ELF1: variants seen among roughly 807,000 people sequenced by gnomAD.
ELF1 encodes E74 like ETS transcription factor 1.
Under a neutral mutation model 59.9 loss-of-function variants are expected in ELF1, and 24 were observed. The observed-to-expected ratio is 0.40, with a 90% CI of 0.29 to 0.56. The LOEUF is 0.56. Ranked by LOEUF, ELF1 falls within the 20% of genes least tolerant of loss-of-function variation. The pLI, the probability that ELF1 is intolerant of heterozygous loss-of-function variation, is 0.44. For missense variants in ELF1, 627 were observed against 742.2 expected (o/e 0.84, Z 1.80); for synonymous variants, 248 against 266.2 (o/e 0.93, Z 0.67).
At chr13:41,041,737 C>T (rs780503021) in intron 1 of ELF1, among the ~76,000 whole-genome samples, 49 of 152,058 alleles carry the variant, frequency 3.2e-4, no homozygotes, top group Non-Finnish European at 5.7e-4. Flanking sequence ...TCAGATGCAC[C>T]AGAATCATCT....
At chr13:41,031,631 A>G (rs1876164017) in intron 1 of ELF1, among the ~76,000 whole-genome samples, 1 of 151,920 alleles carries the variant, frequency 6.6e-6, no homozygotes, top group Non-Finnish European at 1.5e-5. Flanking sequence ...CAGCCTGGCC[A>G]AGATGGTGAA....
At chr13:40,954,194 G>A (rs1399604936) in intron 3 of ELF1, among the ~76,000 whole-genome samples, 1 of 152,166 alleles carries the variant, frequency 6.6e-6, no homozygotes, top group African/African-American at 2.4e-5. Context: ...TTATTGGTTT[G>A]CTCTGAACAA....
intron 5 of ELF1, among the ~76,000 whole-genome samples, chr13:40,948,441 G>A (rs1870638752): frequency 6.6e-6 from 1 of 152,156 alleles, no homozygotes; most frequent in African/African-American, 2.4e-5. Context: ...CCTCAACACG[G>A]ACAATAAAAC....
chr13:40,988,406 A>G (rs1325211904), intron 1 of ELF1, among the ~76,000 whole-genome samples: 1 of 152,232 alleles, frequency 6.6e-6, no homozygotes, highest in Non-Finnish European at 1.5e-5. Flanking sequence ...AACTTCATTA[A>G]TATTTTTTCC....
At chr13:41,006,840 G>A (rs567548876) in intron 1 of ELF1, among the ~76,000 whole-genome samples, 1 of 152,002 alleles carries the variant, frequency 6.6e-6, no homozygotes, top group South Asian at 2.1e-4. Flanking sequence ...AATCTTAATG[G>A]TATTTTTCCT....
chr13:40,952,056 T>C (rs1383629891), intron 3 of ELF1, among the ~76,000 whole-genome samples: 43 of 152,242 alleles, frequency 2.8e-4, no homozygotes, highest in Admixed American at 2.8e-3. Context: ...ATTTCTTAAC[T>C]TTCTTTACAT....
At chr13:41,001,856 C>T (rs1317641605) in intron 1 of ELF1, among the ~76,000 whole-genome samples, 1 of 151,738 alleles carries the variant, frequency 6.6e-6, no homozygotes, top group Admixed American at 6.6e-5. Context: ...GGCAAAACAG[C>T]AAGACCTTGC....
intron 1 of ELF1, among the ~76,000 whole-genome samples, chr13:40,989,626 CT>C (rs36108525): frequency 0.55 from 83,134 of 151,930 alleles, 25,846 homozygotes; most frequent in Non-Finnish European, 0.69. Flanking sequence ...GCATTTTACA[CT>C]AACATCCATA....
chr13:40,941,680 C>T (rs1489963403), intron 7 of ELF1, among the ~76,000 whole-genome samples: 2 of 152,140 alleles, frequency 1.3e-5, no homozygotes, highest in Non-Finnish European at 2.9e-5. Flanking sequence ...TATTTGGAGA[C>T]AGAGTCTTGC....
chr13:41,034,695 C>T (rs1876301564), intron 1 of ELF1, among the ~76,000 whole-genome samples: 1 of 150,018 alleles, frequency 6.7e-6, no homozygotes, highest in Non-Finnish European at 1.5e-5. Flanking sequence ...AACATATATG[C>T]TTATAATTTT....
intron 2 of ELF1, among the ~76,000 whole-genome samples, chr13:40,977,110 AT>A (rs1183174997): frequency 6.6e-6 from 1 of 152,180 alleles, no homozygotes; most frequent in Non-Finnish European, 1.5e-5. Context: ...TATCAAAATT[AT>A]AAAAAGCATT....
chr13:40,988,597 A>T (rs1269494332), intron 1 of ELF1, among the ~76,000 whole-genome samples: 1 of 152,178 alleles, frequency 6.6e-6, no homozygotes, highest in South Asian at 2.1e-4. Context: ...GAGGGTTTGT[A>T]GATTTCCCTA....
chr13:40,937,171 T>C (rs1312863129), intron 8 of ELF1, among the ~76,000 whole-genome samples: 1 of 152,246 alleles, frequency 6.6e-6, no homozygotes, highest in African/African-American at 2.4e-5. Flanking sequence ...GTCAGTTGCG[T>C]CTGGTTGTAT....
chr13:40,982,660 A>G (rs1214952889), intron 1 of ELF1, among the ~76,000 whole-genome samples: 1 of 152,148 alleles, frequency 6.6e-6, no homozygotes, highest in African/African-American at 2.4e-5. Flanking sequence ...GCACATACAT[A>G]GAAACTGCTA....
At chr13:41,008,478 C>CT (rs983366751) in intron 1 of ELF1, among the ~76,000 whole-genome samples, 1 of 151,956 alleles carries the variant, frequency 6.6e-6, no homozygotes, top group African/African-American at 2.4e-5. Context: ...ACTTAAAAGG[C>CT]TTTTCTGATG....
chr13:41,024,039 G>C (rs1007126168), upstream of ELF1, among the ~76,000 whole-genome samples: 1 of 152,178 alleles, frequency 6.6e-6, no homozygotes, highest in Non-Finnish European at 1.5e-5. Flanking sequence ...ACCAAGAATT[G>C]ATGGTATGAT....
At position 40,982,229 on chromosome 13, in the gene ELF1, C is replaced by G; in HGVS notation, c.-175G>C. Reference sequence around the variant, plus strand: ...TCAGTTTTCCTGGTTCATTGATATTCTAGTCAAATTGAGACAATTTTTCTG... The same window carrying G: ...TCAGTTTTCCTGGTTCATTGATATTGTAGTCAAATTGAGACAATTTTTCTG... On this transcript the variant is annotated 5_prime_UTR_variant, in exon 2 of 9. Coordinates refer to ENST00000239882, the MANE Select transcript of ELF1 (RefSeq NM_172373.4). The G allele has an allele frequency of 1.5e-6, 2 of 1,291,042 alleles. No homozygotes were observed. The highest frequency in any genetic ancestry group is 9.8e-7 in the Non-Finnish European group (1 of 1,018,114). 80.0% of individuals were successfully genotyped at this position (1,291,042 alleles called of 1,614,324 possible). A position where few individuals can be genotyped will look rare whatever the true frequency, so the allele number is the denominator to read the frequency against.
In ELF1 at chr13:40,941,482, GAA is replaced by G. The variant is rs533277694; in HGVS notation, c.807-114_807-113del. On this transcript the variant is annotated intron_variant, in intron 7 of 8. Coordinates refer to ENST00000239882, the MANE Select transcript of ELF1 (RefSeq NM_172373.4). ...TTTAAAGTTGGAATCAAACTAATGA[GAA>G]AAGAATTTCTAAATAAAGGGCTGTT... 1.2e-5 allele frequency: 12 copies of G among 986,362 alleles called. No individual in the cohort carries two copies. The South Asian group carries it at 2.1e-4, about 17-fold the overall frequency. The allele number at this position is 986,362 out of a possible 1,614,324, so 61.1% of individuals were successfully genotyped here.
intron 1 of ELF1, among the ~76,000 whole-genome samples, chr13:41,042,313 TTTATTA>T (rs954945112): frequency 3.3e-5 from 5 of 151,952 alleles, no homozygotes; most frequent in African/African-American, 1.2e-4. Context: ...TCTTTTTTTT[TTTATTA>T]TTATTATACT....
Sources: allele counts gnomAD v4.1 joint callset (sites outside exome capture counted in the v4.1 genomes callset), GRCh38; gene constraint gnomAD v4.1.1; transcripts MANE v1.5; gene names NCBI Gene and HGNC (gene_info 2026-07-23, HGNC 2026-07-21).